HPSE2: variants seen among roughly 807,000 people sequenced by gnomAD.
HPSE2 encodes the protein inactive heparanase-2.
Under a neutral mutation model 60.5 loss-of-function variants are expected in HPSE2, and 38 were observed. The observed-to-expected ratio is 0.63, with a 90% confidence interval of 0.48 to 0.82. The LOEUF (loss-of-function observed/expected upper bound fraction) is 0.82. HPSE2 is among the 40% of genes least tolerant of loss of function. The pLI, the probability that HPSE2 is intolerant of heterozygous loss-of-function variation, is 0.00. For missense variants in HPSE2, 713 were observed against 740.4 expected (o/e 0.96, Z 0.43); for synonymous variants, 295 against 293.2 (o/e 1.01, Z -0.06).
At position 98,870,941 on chromosome 10, in the gene HPSE2, T is replaced by C. The variant is rs1323838130; in HGVS notation, c.611-126885A>G. Among the ~76,000 whole-genome samples the C allele has an allele frequency of 7.8e-4, 11 of 14,126 alleles. No homozygotes were observed. The East Asian group carries it at 0.026, about 34-fold the overall frequency. 9.3% of individuals were successfully genotyped at this position (14,126 alleles called of 152,430 possible). On this transcript the variant is annotated intron_variant, in intron 3 of 11. Transcript: ENST00000370552. ...CTGAGTTCACAGTGATATCTTTAAA[T>C]TATTAAAAAAAAAAAAAGAGGCTGG...
chr10:98,865,311 G>A (rs1952561592), intron 3 of HPSE2, among the ~76,000 whole-genome samples: 1 of 152,000 alleles, frequency 6.6e-6, no homozygotes, highest in Admixed American at 6.6e-5. Flanking sequence ...AAAGAAAAAA[G>A]ATATGAGAGA....
At chr10:99,001,709 G>A (rs1956780575) in intron 3 of HPSE2, among the ~76,000 whole-genome samples, 1 of 152,124 alleles carries the variant, frequency 6.6e-6, no homozygotes, top group Non-Finnish European at 1.5e-5. Flanking sequence ...GTAAAGGCTT[G>A]TTGACGGTAC....
intron 3 of HPSE2, among the ~76,000 whole-genome samples, chr10:99,017,551 G>A (rs1324005036): frequency 6.6e-6 from 1 of 152,108 alleles, no homozygotes; most frequent in Non-Finnish European, 1.5e-5. Flanking sequence ...GAATGAGTTA[G>A]GGAGGAGTCC....
intron 3 of HPSE2, among the ~76,000 whole-genome samples, chr10:98,782,926 A>ATTTTTTTTT (rs773521357): frequency 8.0e-6 from 1 of 124,520 alleles, no homozygotes; most frequent in Non-Finnish European, 1.7e-5. Context: ...TTTTTTTTTT[A>ATTTTTTTTT]TTTTTTTTTT....
chr10:98,946,994 G>A (rs1376823680), intron 3 of HPSE2, among the ~76,000 whole-genome samples: 1 of 145,380 alleles, frequency 6.9e-6, no homozygotes, highest in Non-Finnish European at 1.5e-5. Context: ...AGAAACCATG[G>A]GGCCCATAAG....
chr10:98,794,394 C>G (rs1165071182), intron 3 of HPSE2, among the ~76,000 whole-genome samples: 2 of 152,000 alleles, frequency 1.3e-5, no homozygotes, highest in East Asian at 3.9e-4. Context: ...CAGGTGCGAA[C>G]CACCATGCCC....
At chr10:99,181,397 C>CAAAAAAAAAAAA (rs58049545) in intron 2 of HPSE2, among the ~76,000 whole-genome samples, 13 of 104,756 alleles carry the variant, frequency 1.2e-4, no homozygotes, top group African/African-American at 3.8e-4. Context: ...GACTCCGTCT[C>CAAAAAAAAAAAA]AAAAAAAAAA....
chr10:98,976,251 T>C (rs1357519961), intron 3 of HPSE2, among the ~76,000 whole-genome samples: 2 of 152,196 alleles, frequency 1.3e-5, no homozygotes, highest in East Asian at 1.9e-4. Context: ...ATTTCTCCTA[T>C]ATCTCCAACA....
At chr10:98,969,119 A>T (rs1261497707) in intron 3 of HPSE2, among the ~76,000 whole-genome samples, 2 of 152,190 alleles carry the variant, frequency 1.3e-5, no homozygotes, top group African/African-American at 4.8e-5. Context: ...TAACAAAATG[A>T]TTATCTGTAA....
intron 3 of HPSE2, among the ~76,000 whole-genome samples, chr10:98,876,984 T>C (rs1952894378): frequency 6.6e-6 from 1 of 151,852 alleles, no homozygotes; most frequent in African/African-American, 2.4e-5. Context: ...TGAAGTTTAT[T>C]AATAGTATTA....
the HPSE2 span, among the ~76,000 whole-genome samples, chr10:99,270,148 G>A: frequency 6.6e-6 from 1 of 151,994 alleles, no homozygotes; most frequent in Non-Finnish European, 1.5e-5. Context: ...ACTAAATTAA[G>A]TTGAAACAAA....
At chr10:98,532,355 G>C (rs1943156772) in intron 9 of HPSE2, among the ~76,000 whole-genome samples, 1 of 152,174 alleles carries the variant, frequency 6.6e-6, no homozygotes, top group Non-Finnish European at 1.5e-5. Flanking sequence ...AGGGAGTTGG[G>C]AATGGGAAAC....
At chr10:98,577,269 C>T (rs1944667315) in intron 9 of HPSE2, among the ~76,000 whole-genome samples, 1 of 151,998 alleles carries the variant, frequency 6.6e-6, no homozygotes, top group Admixed American at 6.6e-5. Flanking sequence ...CAGGAAGATA[C>T]AACTTGAAAA....
At chr10:98,715,971 C>T (rs1028589187) in intron 5 of HPSE2, among the ~76,000 whole-genome samples, 1 of 152,052 alleles carries the variant, frequency 6.6e-6, no homozygotes, top group South Asian at 2.1e-4. Flanking sequence ...ATTATACCCA[C>T]AGTAGAAACT....
intron 2 of HPSE2, among the ~76,000 whole-genome samples, chr10:99,167,993 C>T (rs1375821564): frequency 6.6e-6 from 1 of 151,620 alleles, no homozygotes; most frequent in Non-Finnish European, 1.5e-5. Flanking sequence ...AGGGAAGTTC[C>T]TTACTCTTCC....
intron 11 of HPSE2, among the ~76,000 whole-genome samples, chr10:98,478,104 A>T (rs1399679349): frequency 1.3e-5 from 2 of 152,210 alleles, no homozygotes; most frequent in Non-Finnish European, 2.9e-5. Flanking sequence ...CTTTGTGATC[A>T]CACAAGGCAA....
At chr10:99,200,207 A>C (rs1427237892) in intron 2 of HPSE2, among the ~76,000 whole-genome samples, 1 of 152,126 alleles carries the variant, frequency 6.6e-6, no homozygotes, top group Admixed American at 6.6e-5. Flanking sequence ...CAATTAAAAA[A>C]ATCACCTGGG....
chr10:98,863,178 A>G (rs1352724523), intron 3 of HPSE2, among the ~76,000 whole-genome samples: 3 of 152,190 alleles, frequency 2.0e-5, no homozygotes, highest in African/African-American at 7.2e-5. Context: ...TGGTTCCCAG[A>G]AAAAATCACA....
chr10:99,202,738 CT>C (rs1297998447), intron 2 of HPSE2, among the ~76,000 whole-genome samples: 2 of 152,136 alleles, frequency 1.3e-5, no homozygotes, highest in Non-Finnish European at 2.9e-5. Context: ...CTCATCACCC[CT>C]ATAGACACAT....
Sources: gnomAD v4.1 joint callset for allele counts (sites outside exome capture counted in the v4.1 genomes callset) on GRCh38, gnomAD v4.1.1 for gene constraint, MANE v1.5 for transcripts, NCBI Gene and HGNC (gene_info 2026-07-23, HGNC 2026-07-21) for gene names.